Variants in MAP2K5 observed in about 807,000 individuals in gnomAD.
MAP2K5 encodes dual specificity mitogen-activated protein kinase kinase 5.
MAP2K5 carries 49 observed loss-of-function variants against 83.1 expected under a neutral mutation model. The ratio of observed to expected loss-of-function variants is 0.59; its 90% CI spans 0.47 to 0.75. The LOEUF is 0.75. Among genes scored for constraint, MAP2K5 ranks in the 30% least tolerant of loss-of-function variants. The pLI, the probability that MAP2K5 is intolerant of heterozygous loss-of-function variation, is 0.00. For synonymous variants in MAP2K5, 202 were observed against 191.8 expected, an observed-to-expected ratio of 1.05 and a Z score of -0.44; for missense variants, 457 against 557.5, an observed-to-expected ratio of 0.82 and a Z score of 1.82.
Position 67,596,986 on chromosome 15 carries a change from A to T in MAP2K5, c.481-3699A>T, listed in dbSNP as rs2085540001. 2.0e-5 allele frequency among the ~76,000 whole-genome samples: 3 copies of T among 152,164 alleles called. No individual in the cohort carries two copies. In the South Asian group the frequency reaches 6.2e-4, roughly 32 times the overall value. ...GGAGATCAAGACCATCCTGGCTAAC[A>T]TGGTGAAACCCCATCTCTATTAAAA... On this transcript the variant is annotated intron_variant, in intron 7 of 21. Transcript: ENST00000178640.
intron 16 of MAP2K5, among the ~76,000 whole-genome samples, chr15:67,718,917 A>G (rs151190253): frequency 6.6e-6 from 1 of 152,146 alleles, no homozygotes; most frequent in Non-Finnish European, 1.5e-5. Flanking sequence ...AAACATTCCA[A>G]TTATACTTTT....
At chr15:67,651,510 C>A (rs951189773) in intron 11 of MAP2K5, among the ~76,000 whole-genome samples, 7 of 152,098 alleles carry the variant, frequency 4.6e-5, no homozygotes, top group African/African-American at 1.7e-4. Flanking sequence ...ATTAACCAAC[C>A]CCTCTTTGTC....
intron 21 of MAP2K5, among the ~76,000 whole-genome samples, chr15:67,798,314 A>C (rs941962986): frequency 3.3e-5 from 5 of 152,184 alleles, no homozygotes; most frequent in Non-Finnish European, 7.3e-5. Flanking sequence ...GCCCAGTCCT[A>C]TCCAAGGCCC....
chr15:67,690,899 G>C lies in MAP2K5; in HGVS notation c.848-1580G>C, dbSNP rs8037318. Among the ~76,000 whole-genome samples, 124,310 of 152,140 alleles carry C rather than the reference G, an allele frequency of 0.82. 50,957 individuals carry two copies. The highest frequency in any genetic ancestry group is 0.88 in the Admixed American group (13,382 of 15,286). The stretch of plus-strand genomic sequence containing the variant: ...ATCAGTGAGCAAGATACTGTGCTTG[G>C]AAGGGATACATTTAAAGATGTTTTA... On this transcript the variant is annotated intron_variant, in intron 13 of 21. Coordinates refer to ENST00000178640, the MANE Select transcript of MAP2K5 (RefSeq NM_145160.3). This position sits in a 1 kb window ranked among gnomAD's most constrained non-coding sequence, Gnocchi z 4.3.
chr15:67,641,512 T>C (rs752992365), intron 9 of MAP2K5: 15 of 1,000,058 alleles, frequency 1.5e-5, no homozygotes, highest in African/African-American at 1.7e-5. Flanking sequence ...TTGCCGTATT[T>C]ATACTGTATA....
chr15:67,606,371 A>C (rs559847961), intron 8 of MAP2K5, among the ~76,000 whole-genome samples: 1 of 152,356 alleles, frequency 6.6e-6, no homozygotes, highest in Non-Finnish European at 1.5e-5. Context: ...AGGATAGAGT[A>C]AGAGTCTGAT....
At chr15:67,791,038 C>G (rs16951297) in intron 21 of MAP2K5, among the ~76,000 whole-genome samples, 12,451 of 152,210 alleles carry the variant, frequency 0.082, 682 homozygotes, top group Admixed American at 0.1. Context: ...CCAGAGAGAG[C>G]TCCTCACGCC....
In MAP2K5 at chr15:67,801,131, G is replaced by T. The variant is rs1371640960; in HGVS notation, c.1243-5515G>T. The stretch of plus-strand genomic sequence containing the variant: ...TCTAGTCCTAACACTCCATTAGTGT[G>T]AGAAGGGACAGAAGTGTTATCACAG... On this transcript the variant is annotated intron_variant, in intron 21 of 21. Coordinates refer to ENST00000178640, the MANE Select transcript of MAP2K5 (RefSeq NM_145160.3). This position sits in a 1 kb window ranked among gnomAD's most constrained non-coding sequence, Gnocchi z 4.8. Among the ~76,000 whole-genome samples the T allele has an allele frequency of 6.6e-6, 1 of 152,162 alleles. No individual in the cohort carries two copies. The highest frequency in any genetic ancestry group is 2.4e-5 in the African/African-American group (1 of 41,436).
At chr15:67,664,333 C>CAAAAA (rs11395465) in intron 12 of MAP2K5, among the ~76,000 whole-genome samples, 10 of 74,066 alleles carry the variant, frequency 1.4e-4, no homozygotes, top group East Asian at 4.8e-4. Context: ...CTGTTTCTAC[C>CAAAAA]AAAAAAAAAA....
chr15:67,697,336 A>G (rs1236261328), intron 15 of MAP2K5, among the ~76,000 whole-genome samples: 1 of 152,178 alleles, frequency 6.6e-6, no homozygotes, highest in Non-Finnish European at 1.5e-5. Context: ...TCACAACACT[A>G]TGACATAGGT....
Position 67,563,648 on chromosome 15 carries a change from C to G in MAP2K5, c.252+298C>G, listed in dbSNP as rs534426393. Among the ~76,000 whole-genome samples, 1 of 151,926 alleles carries G rather than the reference C, an allele frequency of 6.6e-6. No individual in the cohort carries two copies. Among genetic ancestry groups the G allele is most frequent in the African/African-American group, 2.4e-5 (1 of 41,350 alleles). ...ATTTTTTATGCAGTACTTAAAGTAA[C>G]GGCTCATTAAAAATGAACCCCTGGG... On this transcript the variant is annotated intron_variant, in intron 3 of 21. Transcript: ENST00000178640. The surrounding 1 kb of genome is among the most constrained non-coding windows in gnomAD (Gnocchi z 4.5).
chr15:67,761,103 G>A (rs1305309451), intron 19 of MAP2K5, among the ~76,000 whole-genome samples: 1 of 151,888 alleles, frequency 6.6e-6, no homozygotes, highest in African/African-American at 2.4e-5. Flanking sequence ...CCTTCCTCCT[G>A]GAAATGGAAG....
intron 3 of MAP2K5, among the ~76,000 whole-genome samples, chr15:67,571,327 T>G (rs908092088): frequency 2.6e-5 from 4 of 152,214 alleles, no homozygotes; most frequent in African/African-American, 9.6e-5. Flanking sequence ...ATACAAGGCA[T>G]GGTTCCTGCC....
chr15:67,699,225 G>C (rs2088347808), intron 15 of MAP2K5, among the ~76,000 whole-genome samples: 1 of 151,828 alleles, frequency 6.6e-6, no homozygotes, highest in Admixed American at 6.6e-5. Context: ...CTACCACAGA[G>C]AGGAAAGTAG....
intron 8 of MAP2K5, among the ~76,000 whole-genome samples, chr15:67,622,339 A>G (rs2086205891): frequency 6.6e-6 from 1 of 152,122 alleles, no homozygotes; most frequent in Non-Finnish European, 1.5e-5. Flanking sequence ...GTTTGATGGA[A>G]CAGAGTTGAG....
In MAP2K5 at chr15:67,562,298, C is replaced by T. The variant is rs150657744; in HGVS notation, c.185-985C>T. On this transcript the variant is annotated intron_variant, in intron 2 of 21. Transcript: ENST00000178640. This position sits in a 1 kb window ranked among gnomAD's most constrained non-coding sequence, Gnocchi z 4.1. ...TATTTGGAAATAGCCATAAGTCATT[C>T]TTAGACATGCTTGGCAGATGATGTG... Among the ~76,000 whole-genome samples the T allele has an allele frequency of 6.6e-6, 1 of 152,124 alleles. No homozygotes were observed. Among genetic ancestry groups the T allele is most frequent in the Non-Finnish European group, 1.5e-5 (1 of 68,020 alleles).
intron 13 of MAP2K5, among the ~76,000 whole-genome samples, chr15:67,688,966 C>T (rs922338421): frequency 6.6e-6 from 1 of 152,158 alleles, no homozygotes; most frequent in East Asian, 1.9e-4. Context: ...AAGCTATCAA[C>T]CAGTGAGCAA....
chr15:67,601,863 C>T (rs1452712487), intron 8 of MAP2K5, among the ~76,000 whole-genome samples: 1 of 152,198 alleles, frequency 6.6e-6, no homozygotes, highest in South Asian at 2.1e-4. Context: ...CTTCAGTGCC[C>T]TTTGCAGATA....
intron 14 of MAP2K5, 115 bp from the exon 15 acceptor site, chr15:67,693,403 A>C: frequency 2.5e-6 from 2 of 788,960 alleles, no homozygotes; most frequent in South Asian, 3.1e-5. Context: ...GTTCCCTTTT[A>C]CATAATTTTT....
Sources: allele counts gnomAD v4.1 joint callset (sites outside exome capture counted in the v4.1 genomes callset), GRCh38; gene constraint gnomAD v4.1.1; non-coding constraint Gnocchi (gnomAD v3.1); transcripts MANE v1.5; gene names NCBI Gene and HGNC (gene_info 2026-07-23, HGNC 2026-07-21).